Variants in C4orf51 observed in about 807,000 individuals in gnomAD.
C4orf51 encodes uncharacterized protein C4orf51.
Under a neutral mutation model 25.2 loss-of-function variants are expected in C4orf51, and 25 were observed. That is an observed-to-expected ratio of 0.99 (90% CI 0.72 to 1.39). The LOEUF is 1.39. C4orf51 is among the 40% of genes most tolerant of loss of function. C4orf51 has a pLI of 0.00. For synonymous variants in C4orf51, 100 were observed against 84.5 expected, an observed-to-expected ratio of 1.18 and a Z score of -1.01; for missense variants, 252 against 239.6, an observed-to-expected ratio of 1.05 and a Z score of -0.34.
chr4:145,736,239 G>A (rs1732797067), downstream of C4orf51, among the ~76,000 whole-genome samples: 2 of 151,900 alleles, frequency 1.3e-5, no homozygotes, highest in Middle Eastern at 3.4e-3. Context: ...CTGGTCCTGT[G>A]TCTAGCAGGT....
At chr4:145,729,653 AC>A (rs1028050991) in intron 4 of C4orf51, among the ~76,000 whole-genome samples, 1 of 152,088 alleles carries the variant, frequency 6.6e-6, no homozygotes, top group Non-Finnish European at 1.5e-5. Flanking sequence ...TCCTCCTGGC[AC>A]CCACATTGTT....
intron 1 of C4orf51, among the ~76,000 whole-genome samples, chr4:145,769,150 G>C (rs1477165468): frequency 6.6e-6 from 1 of 151,730 alleles, no homozygotes; most frequent in Non-Finnish European, 1.5e-5. Flanking sequence ...TCTTACTTCA[G>C]TTCACAATTT....
rs1174426323 is a variant in C4orf51 at position 145,765,484 on chromosome 4, T to A, written n.167-5504T>A. 13 of 1,538,016 alleles carry A rather than the reference T, an allele frequency of 8.5e-6. No homozygotes were observed. The highest frequency in any genetic ancestry group is 4.0e-5 in the Admixed American group (2 of 50,488). ...GACATCGCTCCTGTGCAGGGCTTATTCTCAAGAATGGGTCATCCTGGGTGC... is the reference window on the plus strand; with the variant it reads ...GACATCGCTCCTGTGCAGGGCTTATACTCAAGAATGGGTCATCCTGGGTGC... On this transcript the variant is annotated intron_variant and non_coding_transcript_variant, in intron 1 of 1. Coordinates refer to the C4orf51 transcript ENST00000510096. This position sits in a 1 kb window ranked among gnomAD's most constrained non-coding sequence, Gnocchi z 4.7.
intron 2 of C4orf51, among the ~76,000 whole-genome samples, chr4:145,722,346 A>G (rs1030554348): frequency 6.6e-6 from 1 of 152,224 alleles, no homozygotes; most frequent in Non-Finnish European, 1.5e-5. Context: ...ATAACAGTAT[A>G]TCCTAAATAC....
At chr4:145,729,113 A>T in intron 3 of C4orf51, 56 bp from the exon 4 acceptor site, 1 of 1,170,404 alleles carries the variant, frequency 8.5e-7, no homozygotes, top group Non-Finnish European at 1.3e-6. Flanking sequence ...GAATTTTATT[A>T]GATTTCTATT....
At position 145,702,236 on chromosome 4, in the gene C4orf51, T is replaced by G. The variant is rs1037395872; in HGVS notation, c.307+5604T>G. Among the ~76,000 whole-genome samples the G allele has an allele frequency of 1.1e-4, 16 of 152,056 alleles. No individual in the cohort carries two copies. In the East Asian group the frequency reaches 1.9e-3, roughly 18 times the overall value. Reference sequence around the variant, plus strand: ...ACAAGTTAGTTCAGAATCTGCGCCTTATCAACCAAATTGTTTTGCCTATCC... The same window carrying G: ...ACAAGTTAGTTCAGAATCTGCGCCTGATCAACCAAATTGTTTTGCCTATCC... On this transcript the variant is annotated intron_variant, in intron 2 of 5. Coordinates refer to ENST00000438731, the MANE Select transcript of C4orf51 (RefSeq NM_001080531.3).
downstream of C4orf51, chr4:145,774,558 G>A (rs867718944): frequency 1.1e-5 from 18 of 1,612,808 alleles, no homozygotes; most frequent in South Asian, 2.2e-5. Context: ...CCATGGTGAC[G>A]AAGTCGCAGG....
intron 2 of C4orf51, among the ~76,000 whole-genome samples, chr4:145,707,039 C>G (rs1229068257): frequency 1.3e-5 from 2 of 152,156 alleles, no homozygotes; most frequent in Non-Finnish European, 2.9e-5. Flanking sequence ...TGCTCTTGAA[C>G]TCCTGACCTC....
chr4:145,711,862 A>G (rs1731152072), intron 2 of C4orf51, among the ~76,000 whole-genome samples: 1 of 152,114 alleles, frequency 6.6e-6, no homozygotes, highest in African/African-American at 2.4e-5. Context: ...TCACAAATTG[A>G]AAGTGTGTGG....
chr4:145,781,216 A>AG, the C4orf51 span, among the ~76,000 whole-genome samples: 1 of 118,082 alleles, frequency 8.5e-6, no homozygotes, highest in East Asian at 2.1e-4. Flanking sequence ...AAAAAAAAAA[A>AG]AGAAAAAAAA....
chr4:145,680,552 T>G lies in C4orf51; in HGVS notation c.233+116T>G, dbSNP rs1030572850. The G allele has an allele frequency of 3.9e-5, 28 of 714,444 alleles. No homozygotes were observed. The South Asian group carries it at 4.7e-4, about 12-fold the overall frequency. The allele number at this position is 714,444 out of a possible 1,614,324, so 44.3% of individuals were successfully genotyped here. On this transcript the variant is annotated intron_variant, in intron 1 of 5. Coordinates refer to ENST00000438731, the MANE Select transcript of C4orf51 (RefSeq NM_001080531.3). The stretch of plus-strand genomic sequence containing the variant: ...ACTTCATAGACTTTAACCCTCTGTA[T>G]TTTCTTTTGTAAATGTCAGCAGGAA...
chr4:145,714,145 A>C (rs1731275275), intron 2 of C4orf51, among the ~76,000 whole-genome samples: 1 of 152,302 alleles, frequency 6.6e-6, no homozygotes, highest in East Asian at 1.9e-4. Flanking sequence ...GGTAAACATA[A>C]CTTCTATGTG....
At chr4:145,740,707 T>G (rs1733052822) in intron 1 of C4orf51, among the ~76,000 whole-genome samples, 1 of 152,196 alleles carries the variant, frequency 6.6e-6, no homozygotes, top group Non-Finnish European at 1.5e-5. Flanking sequence ...ATTTGCCGCT[T>G]TAATGGAAGA....
chr4:145,783,455 C>T, the C4orf51 span, among the ~76,000 whole-genome samples: 1 of 152,208 alleles, frequency 6.6e-6, no homozygotes, highest in Admixed American at 6.5e-5. Flanking sequence ...GAAATGTTTG[C>T]AGTCCTGAGC....
At chr4:145,764,558 T>G in intron 1 of C4orf51, 1 of 176,738 alleles carries the variant, frequency 5.7e-6, no homozygotes, top group Admixed American at 6.0e-5. Flanking sequence ...TTTTGGAGGG[T>G]GGGGTGGTTG....
At chr4:145,708,765 C>T (rs1312421641) in intron 2 of C4orf51, among the ~76,000 whole-genome samples, 1 of 152,228 alleles carries the variant, frequency 6.6e-6, no homozygotes, top group African/African-American at 2.4e-5. Flanking sequence ...GTCTATTGTG[C>T]CTACGGCCTT....
intron 1 of C4orf51, among the ~76,000 whole-genome samples, chr4:145,768,415 T>C (rs1277171965): frequency 6.6e-6 from 1 of 152,116 alleles, no homozygotes; most frequent in Non-Finnish European, 1.5e-5. Flanking sequence ...TCTGCCCACT[T>C]TGGCCTCCCA....
intron 2 of C4orf51, among the ~76,000 whole-genome samples, chr4:145,706,990 A>G (rs570257001): frequency 1.3e-5 from 2 of 151,962 alleles, no homozygotes; most frequent in South Asian, 2.1e-4. Flanking sequence ...TTATTTTTGG[A>G]TTTTTAATAG....
At chr4:145,789,535 T>C in the C4orf51 span, among the ~76,000 whole-genome samples, 11 of 152,316 alleles carry the variant, frequency 7.2e-5, no homozygotes, top group African/African-American at 2.4e-4. Flanking sequence ...GACACTATTA[T>C]TATCATTCTT....
Sources: gnomAD v4.1 joint callset for allele counts (sites outside exome capture counted in the v4.1 genomes callset) on GRCh38, gnomAD v4.1.1 for gene constraint, Gnocchi (gnomAD v3.1) non-coding constraint, MANE v1.5 for transcripts, NCBI Gene and HGNC (gene_info 2026-07-23, HGNC 2026-07-21) for gene names.